The following IPO11 variants were observed in gnomAD, a reference collection of about 807,000 sequenced individuals.
IPO11 encodes the protein importin-11.
A neutral mutation model predicts 143.2 loss-of-function variants in IPO11; 66 were observed. The observed-to-expected ratio is 0.46, with a 90% CI of 0.38 to 0.57. The LOEUF (loss-of-function observed/expected upper bound fraction) is 0.57. Ranked by LOEUF, IPO11 falls within the 20% of genes least tolerant of loss-of-function variation. The pLI is 0.00. For missense variants in IPO11, 1,026 were observed against 1,141.0 expected (o/e 0.90, Z 1.45); for synonymous variants, 385 against 377.8 (o/e 1.02, Z -0.22).
intron 21 of IPO11, among the ~76,000 whole-genome samples, chr5:62,526,929 A>AATC (rs1482081511): frequency 6.6e-6 from 1 of 152,202 alleles, no homozygotes; most frequent in Non-Finnish European, 1.5e-5. Context: ...AAATCATAGA[A>AATC]ATCAACTGTA....
intron 1 of IPO11, among the ~76,000 whole-genome samples, chr5:62,415,809 T>C (rs1251528850): frequency 6.6e-6 from 1 of 152,138 alleles, no homozygotes; most frequent in Non-Finnish European, 1.5e-5. Flanking sequence ...TTCTGCTTCA[T>C]AGAGGAAATG....
At chr5:62,594,057 G>C (rs1745127707) in intron 28 of IPO11, among the ~76,000 whole-genome samples, 1 of 152,106 alleles carries the variant, frequency 6.6e-6, no homozygotes, top group South Asian at 2.1e-4. Flanking sequence ...AATCTTTCTG[G>C]TTCTGTTGAA....
At chr5:62,600,862 A>G (rs902404511) in intron 28 of IPO11, among the ~76,000 whole-genome samples, 1 of 152,194 alleles carries the variant, frequency 6.6e-6, no homozygotes, top group Non-Finnish European at 1.5e-5. Context: ...TGCTTTTTTA[A>G]TGGTAGGAAA....
intron 26 of IPO11, among the ~76,000 whole-genome samples, chr5:62,552,962 A>G (rs937631134): frequency 1.3e-5 from 2 of 152,356 alleles, no homozygotes; most frequent in Non-Finnish European, 2.9e-5. Flanking sequence ...TGTATTGGGA[A>G]CATACAACAG....
intron 1 of IPO11, among the ~76,000 whole-genome samples, chr5:62,421,391 T>C (rs1479360956): frequency 6.6e-6 from 1 of 152,226 alleles, no homozygotes; most frequent in Non-Finnish European, 1.5e-5. Context: ...ATTAGGCAGA[T>C]AGGCTGTGAA....
At chr5:62,491,659 TTAA>T (rs1746611276) in intron 15 of IPO11, among the ~76,000 whole-genome samples, 1 of 151,594 alleles carries the variant, frequency 6.6e-6, no homozygotes, top group African/African-American at 2.4e-5. Context: ...TGTAAAAATA[TTAA>T]TAAGTTTTTT....
At chr5:62,457,562 G>A (rs1745207165) in intron 5 of IPO11, among the ~76,000 whole-genome samples, 1 of 152,172 alleles carries the variant, frequency 6.6e-6, no homozygotes, top group South Asian at 2.1e-4. Context: ...GCAAGGTGAA[G>A]TCAAGTTACA....
At chr5:62,532,867 A>C (rs1426932452) in intron 22 of IPO11, among the ~76,000 whole-genome samples, 1 of 152,128 alleles carries the variant, frequency 6.6e-6, no homozygotes, top group Non-Finnish European at 1.5e-5. Flanking sequence ...AGGATTTGTT[A>C]CTTTACTGAA....
intron 20 of IPO11, among the ~76,000 whole-genome samples, chr5:62,516,499 G>A (rs954361719): frequency 4.6e-5 from 7 of 151,932 alleles, no homozygotes; most frequent in African/African-American, 1.7e-4. Flanking sequence ...TCACCATGTT[G>A]GCCAGGCTGG....
chr5:62,452,662 CGTGTGTGTGT>C (rs138539006), intron 5 of IPO11, among the ~76,000 whole-genome samples: 1 of 140,104 alleles, frequency 7.1e-6, no homozygotes, highest in Non-Finnish European at 1.5e-5. Context: ...GTTTTGGGTT[CGTGTGTGTGT>C]GTGTGTGTGT....
chr5:62,553,391 G>C (rs190445), intron 26 of IPO11, among the ~76,000 whole-genome samples: 1 of 150,972 alleles, frequency 6.6e-6, no homozygotes. Flanking sequence ...TTCATCTGTA[G>C]ATGGGTGCCT....
intron 24 of IPO11, among the ~76,000 whole-genome samples, chr5:62,539,789 A>G (rs1742865991): frequency 6.6e-6 from 1 of 152,250 alleles, no homozygotes; most frequent in Non-Finnish European, 1.5e-5. Flanking sequence ...TTAAACTGAC[A>G]CAGTGGCAAT....
rs192850685 is a variant in IPO11 at position 62,616,317 on chromosome 5, G to A, written c.2764-10837G>A. On this transcript the variant is annotated intron_variant, in intron 29 of 29. Coordinates refer to ENST00000325324, the MANE Select transcript of IPO11 (RefSeq NM_016338.5). ...AATGCCAGGAAGCTTTCTTAGATGT[G>A]GCTAAGCACAATCTCAAATCTTTTC... 2.6e-4 allele frequency among the ~76,000 whole-genome samples: 39 copies of A among 152,174 alleles called. 1 individual carries two copies. The East Asian group carries it at 4.4e-3, about 17-fold the overall frequency.
chr5:62,447,995 G>A lies in IPO11; in HGVS notation c.240-1932G>A, dbSNP rs188650974. Among the ~76,000 whole-genome samples, 19 of 152,250 alleles carry A rather than the reference G, an allele frequency of 1.2e-4. No homozygotes were observed. The East Asian group carries it at 3.1e-3, about 25-fold the overall frequency. ...CTCCCAGAGTGCAGGGATTACAGGC[G>A]TGAGCTACTGTGTCCAGCCTCACAC... On this transcript the variant is annotated intron_variant, in intron 3 of 29. Transcript: ENST00000325324.
chr5:62,550,326 G>T, intron 24 of IPO11, 41 bp from the exon 25 acceptor site: 1 of 1,411,204 alleles, frequency 7.1e-7, no homozygotes, highest in South Asian at 1.2e-5. Flanking sequence ...ATAAAGCAAT[G>T]ACTTGCAGTA....
chr5:62,615,051 G>A (rs939197803), intron 29 of IPO11, among the ~76,000 whole-genome samples: 2 of 152,108 alleles, frequency 1.3e-5, no homozygotes, highest in African/African-American at 2.4e-5. Flanking sequence ...CCATTCTGCT[G>A]TTCTGCTCTT....
chr5:62,573,183 A>G (rs1294343850), intron 27 of IPO11, among the ~76,000 whole-genome samples: 1 of 151,988 alleles, frequency 6.6e-6, no homozygotes, highest in African/African-American at 2.4e-5. Flanking sequence ...ACGCCCGGCT[A>G]CTTTAAAGCT....
In IPO11 at chr5:62,546,544, A is replaced by T. The variant is rs1010281680; in HGVS notation, c.2251-3823A>T. Reference sequence around the variant, plus strand: ...GCACACCAACATGGCACATGTATACATATGTAACAAACCTGCACGTTGTGC... The same window carrying T: ...GCACACCAACATGGCACATGTATACTTATGTAACAAACCTGCACGTTGTGC... On this transcript the variant is annotated intron_variant, in intron 24 of 29. Coordinates refer to ENST00000325324, the MANE Select transcript of IPO11 (RefSeq NM_016338.5). 4.7e-4 allele frequency among the ~76,000 whole-genome samples: 72 copies of T among 152,154 alleles called. 1 individual carries two copies. Among genetic ancestry groups the T allele is most frequent in the Non-Finnish European group, 9.4e-4 (64 of 68,016 alleles).
intron 28 of IPO11, among the ~76,000 whole-genome samples, chr5:62,598,381 TTGCTTGCTTGC>T (rs771686972): frequency 0.76 from 34,464 of 45,072 alleles, 13,164 homozygotes; most frequent in African/African-American, 0.9. Context: ...AATTGTTTGC[TTGCTTGCTTGC>T]TTTCTTTCTT....
Sources: gnomAD v4.1 joint callset for allele counts (sites outside exome capture counted in the v4.1 genomes callset) on GRCh38, gnomAD v4.1.1 for gene constraint, MANE v1.5 for transcripts, NCBI Gene and HGNC (gene_info 2026-07-23, HGNC 2026-07-21) for gene names.